AGAP1: variants seen among roughly 807,000 people sequenced by gnomAD.
AGAP1 encodes arf-GAP with GTPase, ANK repeat and PH domain-containing protein 1.
A neutral mutation model predicts 105.3 loss-of-function variants in AGAP1; 29 were observed. The observed-to-expected ratio is 0.28, with a 90% confidence interval of 0.21 to 0.38. The LOEUF (loss-of-function observed/expected upper bound fraction) is 0.38, where lower values mean the gene tolerates loss of function less well. Among genes scored for constraint, AGAP1 ranks in the 10% least tolerant of loss-of-function variants. AGAP1 has a pLI of 1.00. For missense variants in AGAP1, 998 were observed against 1,165.1 expected (o/e 0.86, Z 2.09); for synonymous variants, 509 against 485.9 (o/e 1.05, Z -0.63).
chr2:235,745,000 T>A lies in AGAP1; in HGVS notation c.538+161T>A, dbSNP rs1194859272. On this transcript the variant is annotated intron_variant, in intron 5 of 17. Transcript: ENST00000304032. This position sits in a 1 kb window ranked among gnomAD's most constrained non-coding sequence, Gnocchi z 5.2. The stretch of plus-strand genomic sequence containing the variant: ...GAACTGAAATGATCACATTTCCTGA[T>A]TTGATTCTATGGTGAAACCACTCAT... 3.3e-5 allele frequency among the ~76,000 whole-genome samples: 5 copies of A among 152,140 alleles called. No individual in the cohort carries two copies. The highest frequency in any genetic ancestry group is 2.6e-4 in the Admixed American group (4 of 15,280).
chr2:235,588,459 C>G (rs1028821515), intron 1 of AGAP1, among the ~76,000 whole-genome samples: 1 of 152,044 alleles, frequency 6.6e-6, no homozygotes, highest in African/African-American at 2.4e-5. Context: ...ATTCAAGACC[C>G]CTTAGAACCC....
chr2:235,776,690 A>G (rs897325973), intron 6 of AGAP1, among the ~76,000 whole-genome samples: 3 of 152,142 alleles, frequency 2.0e-5, no homozygotes, highest in Non-Finnish European at 2.9e-5. Context: ...CCTGTGTTGC[A>G]GGTGCTATGC....
At chr2:235,669,678 G>T (rs1948266243) in intron 1 of AGAP1, 1 of 148,856 alleles carries the variant, frequency 6.7e-6, no homozygotes, top group Non-Finnish European at 1.5e-5. Flanking sequence ...GCAGCTGTCC[G>T]CGCGTCCCGG....
intron 6 of AGAP1, among the ~76,000 whole-genome samples, chr2:235,786,080 G>A (rs1002262383): frequency 2.6e-4 from 39 of 152,270 alleles, no homozygotes; most frequent in Middle Eastern, 3.4e-3. Flanking sequence ...AGCTTGATGA[G>A]TTGAGAAGAA....
chr2:235,823,738 C>CT (rs1958927582), intron 9 of AGAP1, among the ~76,000 whole-genome samples: 1 of 152,192 alleles, frequency 6.6e-6, no homozygotes, highest in African/African-American at 2.4e-5. Flanking sequence ...TAAGTTGAAT[C>CT]TTTAAGCTTC....
intron 1 of AGAP1, among the ~76,000 whole-genome samples, chr2:235,537,838 C>T (rs773620900): frequency 3.9e-5 from 6 of 152,036 alleles, no homozygotes; most frequent in Non-Finnish European, 8.8e-5. Flanking sequence ...CTCTGTCTCT[C>T]GCCCTCCATT....
chr2:235,531,376 T>G (rs1471657948), intron 1 of AGAP1, among the ~76,000 whole-genome samples: 1 of 152,144 alleles, frequency 6.6e-6, no homozygotes, highest in Non-Finnish European at 1.5e-5. Flanking sequence ...CCCCCTCAAC[T>G]GTAGTGTTGA....
In AGAP1 at chr2:235,843,888, C is replaced by T. The variant is rs760279011; in HGVS notation, c.1050+36557C>T. ...TCTTCTTCCAGGCAGCCTCCTGGGC[C>T]GCCAGTGGTGTGGAGCTGGCCGAGA... is the stretch of plus-strand genomic sequence containing the variant. On this transcript the variant is annotated intron_variant, in intron 9 of 17. Coordinates refer to ENST00000304032, the MANE Select transcript of AGAP1 (RefSeq NM_001037131.3). The surrounding 1 kb of genome is among the most constrained non-coding windows in gnomAD (Gnocchi z 5.9). Among the ~76,000 whole-genome samples, 10 of 152,302 alleles carry T rather than the reference C, an allele frequency of 6.6e-5. No homozygotes were observed. Among genetic ancestry groups the T allele is most frequent in the African/African-American group, 1.4e-4 (6 of 41,586 alleles).
At chr2:235,943,381 T>TTTTTTTTTG (rs56308804) in intron 12 of AGAP1, among the ~76,000 whole-genome samples, 1 of 150,686 alleles carries the variant, frequency 6.6e-6, no homozygotes, top group Non-Finnish European at 1.5e-5. Context: ...TTTTTTTTTT[T>TTTTTTTTTG]GACACAGAGT....
rs576722728 is a variant in AGAP1 at position 235,994,343 on chromosome 2, C to T, written c.1645+25720C>T. Reference sequence around the variant, plus strand: ...ATTTAGGGGTGTTCCCTGTCATTTTCGTGCTGTGCAATAGTTGATGAAGAT... The same window carrying T: ...ATTTAGGGGTGTTCCCTGTCATTTTTGTGCTGTGCAATAGTTGATGAAGAT... On this transcript the variant is annotated intron_variant, in intron 13 of 17. Coordinates refer to ENST00000304032, the MANE Select transcript of AGAP1 (RefSeq NM_001037131.3). This position sits in a 1 kb window ranked among gnomAD's most constrained non-coding sequence, Gnocchi z 4.4. Among the ~76,000 whole-genome samples, 3 of 152,288 alleles carry T rather than the reference C, an allele frequency of 2.0e-5. No individual in the cohort carries two copies. The highest frequency in any genetic ancestry group is 1.9e-4 in the East Asian group (1 of 5,186).
In AGAP1 at chr2:236,124,318, G is replaced by A; in HGVS notation, c.*196G>A. 1.5e-6 allele frequency: 1 copy of A among 657,170 alleles called. No individual in the cohort carries two copies. The highest frequency in any genetic ancestry group is 2.6e-6 in the Non-Finnish European group (1 of 384,144). 40.7% of individuals were successfully genotyped at this position (657,170 alleles called of 1,614,324 possible). A position where few individuals can be genotyped will look rare whatever the true frequency, so the allele number is the denominator to read the frequency against. The stretch of plus-strand genomic sequence containing the variant: ...CCCTCAAGGGGCGAAGAGGCGGCCG[G>A]GAGACTGCAGAAGTGGCTCCTTTTC... On this transcript the variant is annotated 3_prime_UTR_variant, in exon 18 of 18. Coordinates refer to ENST00000304032, the MANE Select transcript of AGAP1 (RefSeq NM_001037131.3). This position sits in a 1 kb window ranked among gnomAD's most constrained non-coding sequence, Gnocchi z 5.1.
chr2:235,638,836 G>A (rs564557112), intron 1 of AGAP1, among the ~76,000 whole-genome samples: 2 of 152,328 alleles, frequency 1.3e-5, no homozygotes, highest in South Asian at 4.1e-4. Flanking sequence ...TTCAGCCTCA[G>A]CACTATTGAC....
chr2:236,106,992 C>T (rs2125923832), intron 16 of AGAP1, among the ~76,000 whole-genome samples: 1 of 152,246 alleles, frequency 6.6e-6, no homozygotes, highest in Middle Eastern at 3.4e-3. Context: ...TGCGGAGGCT[C>T]AATGAGAGAG....
chr2:235,890,443 T>C (rs192020422), intron 10 of AGAP1, among the ~76,000 whole-genome samples: 40 of 152,332 alleles, frequency 2.6e-4, no homozygotes, highest in Non-Finnish European at 4.1e-4. Context: ...TGAGCCACTC[T>C]GCCCAGCTGT....
intron 15 of AGAP1, among the ~76,000 whole-genome samples, chr2:236,047,116 G>T (rs1489642874): frequency 1.3e-5 from 2 of 151,552 alleles, no homozygotes; most frequent in Non-Finnish European, 2.9e-5. Context: ...CTCAAAAAAA[G>T]AGTAGTACTC....
At chr2:235,542,604 T>C (rs1210540271) in intron 1 of AGAP1, among the ~76,000 whole-genome samples, 1 of 151,052 alleles carries the variant, frequency 6.6e-6, no homozygotes. Context: ...TAAAAATTCT[T>C]AACAAAATGA....
intron 6 of AGAP1, among the ~76,000 whole-genome samples, chr2:235,784,598 CAAAAA>C (rs71400786): frequency 6.4e-5 from 8 of 124,462 alleles, no homozygotes; most frequent in African/African-American, 2.3e-4. Flanking sequence ...CTTATTAAAG[CAAAAA>C]AAAAAAAAAA....
rs1038736637 is a variant in AGAP1 at position 235,610,775 on chromosome 2, G to T, written c.164-98404G>T. Among the ~76,000 whole-genome samples the T allele has an allele frequency of 2.0e-5, 3 of 152,172 alleles. No individual in the cohort carries two copies. The highest frequency in any genetic ancestry group is 4.4e-5 in the Non-Finnish European group (3 of 68,014). On this transcript the variant is annotated intron_variant, in intron 1 of 17. Coordinates refer to ENST00000304032, the MANE Select transcript of AGAP1 (RefSeq NM_001037131.3). This position sits in a 1 kb window ranked among gnomAD's most constrained non-coding sequence, Gnocchi z 4.9. ...GGAAACCCTGGGCTGGGGAGGAGGT[G>T]CGCTAAGACTGGGCCACAGGTGTGC...
rs1377089443 is a variant in AGAP1, at chr2:236,120,599, A to G, written c.2370+152A>G. ...ATGGGAAACTCTGATTGAAGAGCAG[A>G]GGGCCTTACGGAGAGACAGCCGGTC... On this transcript the variant is annotated intron_variant, in intron 17 of 17. Transcript: ENST00000304032. The surrounding 1 kb of genome is among the most constrained non-coding windows in gnomAD (Gnocchi z 6.0). The G allele has an allele frequency of 1.4e-6, 2 of 1,426,006 alleles. No individual in the cohort carries two copies. The highest frequency in any genetic ancestry group is 1.9e-6 in the Non-Finnish European group (2 of 1,076,236). 88.3% of individuals were successfully genotyped at this position (1,426,006 alleles called of 1,614,324 possible).
Sources: gnomAD v4.1 joint callset for allele counts (sites outside exome capture counted in the v4.1 genomes callset) on GRCh38, gnomAD v4.1.1 for gene constraint, Gnocchi (gnomAD v3.1) non-coding constraint, MANE v1.5 for transcripts, NCBI Gene and HGNC (gene_info 2026-07-23, HGNC 2026-07-21) for gene names.